The following RPTOR variants were observed in gnomAD, a reference collection of about 807,000 sequenced individuals.
RPTOR encodes regulatory associated protein of MTOR complex 1.
Under a neutral mutation model 169.9 loss-of-function variants are expected in RPTOR, and 21 were observed. The observed-to-expected ratio is 0.12, with a 90% CI of 0.09 to 0.18. RPTOR has a LOEUF of 0.18. RPTOR is among the 10% of genes least tolerant of loss of function. RPTOR has a pLI of 1.00. For missense variants in RPTOR, 1,133 were observed against 1,855.9 expected, an observed-to-expected ratio of 0.61 and a Z score of 7.16; for synonymous variants, 732 against 753.2, an observed-to-expected ratio of 0.97 and a Z score of 0.46.
intron 6 of RPTOR, among the ~76,000 whole-genome samples, chr17:80,760,131 C>A (rs746108886): frequency 6.6e-6 from 1 of 151,978 alleles, no homozygotes; most frequent in African/African-American, 2.4e-5. Context: ...GAAGGTTCAG[C>A]CTGGCACTCT....
At chr17:80,955,588 G>A (rs373958399) in intron 28 of RPTOR, among the ~76,000 whole-genome samples, 7 of 152,180 alleles carry the variant, frequency 4.6e-5, no homozygotes, top group African/African-American at 1.7e-4. Flanking sequence ...AAAATGTCAC[G>A]GTTGTAATGT....
intron 6 of RPTOR, among the ~76,000 whole-genome samples, chr17:80,771,415 C>T (rs66827493): frequency 0.27 from 41,127 of 152,090 alleles, 6,883 homozygotes; most frequent in East Asian, 0.52. Context: ...AGGGCACTCC[C>T]GCCGCCCGCT....
chr17:80,655,274 C>G (rs1438948581), intron 3 of RPTOR, among the ~76,000 whole-genome samples: 1 of 152,092 alleles, frequency 6.6e-6, no homozygotes, highest in Non-Finnish European at 1.5e-5. Context: ...TTAGTGGAGA[C>G]AGGGTTTCAC....
intron 2 of RPTOR, among the ~76,000 whole-genome samples, chr17:80,636,140 A>C (rs188901106): frequency 1.6e-4 from 25 of 152,158 alleles, no homozygotes; most frequent in Admixed American, 1.1e-3. Context: ...CAGTTTCCTC[A>C]TCTGTAAAGT....
intron 3 of RPTOR, among the ~76,000 whole-genome samples, chr17:80,690,329 A>C (rs772047327): frequency 4.8e-5 from 6 of 124,664 alleles, no homozygotes; most frequent in Non-Finnish European, 1.1e-4. Flanking sequence ...GCTTCTAAAC[A>C]CACACACACA....
intron 9 of RPTOR, among the ~76,000 whole-genome samples, chr17:80,834,137 A>C (rs1229136855): frequency 6.6e-6 from 1 of 151,974 alleles, no homozygotes; most frequent in East Asian, 1.9e-4. Flanking sequence ...GCCAGGGTGC[A>C]AGCTCCTCCC....
At chr17:80,834,636 G>A (rs1188262725) in intron 9 of RPTOR, among the ~76,000 whole-genome samples, 1 of 152,240 alleles carries the variant, frequency 6.6e-6, no homozygotes, top group Non-Finnish European at 1.5e-5. Flanking sequence ...ACGTGTCCGA[G>A]AGAGATTGTC....
intron 7 of RPTOR, among the ~76,000 whole-genome samples, chr17:80,794,944 G>A (rs2067086064): frequency 6.6e-6 from 1 of 152,200 alleles, no homozygotes; most frequent in Admixed American, 6.5e-5. Context: ...GGAGGGGCCT[G>A]GGGGTGATGT....
chr17:80,860,401 C>G lies in RPTOR; in HGVS notation c.1509+2501C>G, dbSNP rs139123238. 4.0e-3 allele frequency among the ~76,000 whole-genome samples: 613 copies of G among 152,330 alleles called. 3 individuals are homozygous for G. The highest frequency in any genetic ancestry group is 0.029 in the South Asian group (139 of 4,826). ...CCCACACAAAGCCACTGCTGTGTCT[C>G]CCACCCACAGCCGCTGCTGATTCAA... is the stretch of plus-strand genomic sequence containing the variant. On this transcript the variant is annotated intron_variant, in intron 13 of 33. Transcript: ENST00000306801. This position sits in a 1 kb window ranked among gnomAD's most constrained non-coding sequence, Gnocchi z 5.8.
At chr17:80,605,342 T>C (rs1007998399) in intron 1 of RPTOR, among the ~76,000 whole-genome samples, 1 of 152,116 alleles carries the variant, frequency 6.6e-6, no homozygotes, top group African/African-American at 2.4e-5. Context: ...GTGTATAACC[T>C]CTCAGGTTTT....
At chr17:80,668,778 A>C (rs1431732770) in intron 3 of RPTOR, among the ~76,000 whole-genome samples, 2 of 152,238 alleles carry the variant, frequency 1.3e-5, no homozygotes, top group Non-Finnish European at 2.9e-5. Flanking sequence ...TCACAGGCAG[A>C]GCGGGTCCTG....
At chr17:80,884,337 G>A (rs1174075172) in intron 16 of RPTOR, among the ~76,000 whole-genome samples, 2 of 152,194 alleles carry the variant, frequency 1.3e-5, no homozygotes, top group African/African-American at 2.4e-5. Flanking sequence ...CCAGTGGCTC[G>A]TGCCTGGTGC....
At chr17:80,628,695 T>A (rs1195658340) in intron 2 of RPTOR, among the ~76,000 whole-genome samples, 9 of 152,160 alleles carry the variant, frequency 5.9e-5, no homozygotes, top group Admixed American at 5.2e-4. Context: ...CAGGCTGGGC[T>A]ATACTTGAAC....
rs773766869 is a variant in RPTOR, at chr17:80,823,035, C to T, written c.992-44C>T. The T allele has an allele frequency of 1.1e-5, 18 of 1,588,342 alleles. No individual in the cohort carries two copies. In the South Asian group the frequency reaches 1.7e-4, roughly 15 times the overall value. ...TGTGTATTTGGCTTTAAATGCTAGACACAAGTCACTGTAGACTCCTTTTTA... is the reference window on the plus strand; with the variant it reads ...TGTGTATTTGGCTTTAAATGCTAGATACAAGTCACTGTAGACTCCTTTTTA... On this transcript the variant is annotated intron_variant, in intron 8 of 33. Transcript: ENST00000306801. This position sits in a 1 kb window ranked among gnomAD's most constrained non-coding sequence, Gnocchi z 4.5.
intron 1 of RPTOR, among the ~76,000 whole-genome samples, chr17:80,616,313 T>G (rs2065309770): frequency 7.4e-6 from 1 of 135,878 alleles, no homozygotes; most frequent in Admixed American, 7.3e-5. Flanking sequence ...TTTTTTTTTT[T>G]TTTTTTGAGA....
chr17:80,908,966 T>G (rs1399909658), intron 21 of RPTOR, 37 bp downstream of exon 21: 1 of 1,444,788 alleles, frequency 6.9e-7, no homozygotes, highest in Admixed American at 1.7e-5. Flanking sequence ...CTCCAGCTGC[T>G]GGTTCTCGGT....
chr17:80,666,185 ATTATGT>A (rs1317737372), intron 3 of RPTOR, among the ~76,000 whole-genome samples: 1 of 150,248 alleles, frequency 6.7e-6, no homozygotes, highest in Non-Finnish European at 1.5e-5. Flanking sequence ...GCCAAAATAA[ATTATGT>A]TTATTATCTA....
At position 80,646,120 on chromosome 17, in the gene RPTOR, C is replaced by G. The variant is rs906658735; in HGVS notation, c.348+2310C>G. ...GTATCCGCTGCAGCCTAGAAGGAAG[C>G]TGTTCTTGCACACAGAGTGGGATCT... is the stretch of plus-strand genomic sequence containing the variant. On this transcript the variant is annotated intron_variant, in intron 3 of 33. Coordinates refer to ENST00000306801, the MANE Select transcript of RPTOR (RefSeq NM_020761.3). The surrounding 1 kb of genome is among the most constrained non-coding windows in gnomAD (Gnocchi z 5.0). Among the ~76,000 whole-genome samples, 1 of 152,196 alleles carries G rather than the reference C, an allele frequency of 6.6e-6. No individual in the cohort carries two copies. The highest frequency in any genetic ancestry group is 6.5e-5 in the Admixed American group (1 of 15,282).
chr17:80,934,785 G>A (rs1037375482), intron 24 of RPTOR, among the ~76,000 whole-genome samples: 3 of 152,244 alleles, frequency 2.0e-5, no homozygotes, highest in Middle Eastern at 3.4e-3. Context: ...AAAATTAAAA[G>A]GAGTGAACAC....
Sources: allele counts gnomAD v4.1 joint callset (sites outside exome capture counted in the v4.1 genomes callset), GRCh38; gene constraint gnomAD v4.1.1; non-coding constraint Gnocchi (gnomAD v3.1); transcripts MANE v1.5; gene names NCBI Gene and HGNC (gene_info 2026-07-23, HGNC 2026-07-21).